ASCL4: variants seen among roughly 807,000 people sequenced by gnomAD.
ASCL4 encodes the protein achaete-scute family bHLH transcription factor 4, also known as achaete-scute homolog 4.
In ASCL4, 1 loss-of-function variant was observed where a neutral mutation model predicts 0.3. The ratio of observed to expected loss-of-function variants is 3.35; its 90% confidence interval spans 1.19 to 15.89. The LOEUF (loss-of-function observed/expected upper bound fraction) is 15.89, where lower values mean the gene tolerates loss of function less well. Ranked by LOEUF, ASCL4 falls within the 30% of genes most tolerant of loss-of-function variation. The probability of loss-of-function intolerance (pLI) is 0.12; values close to 1 mark genes in which losing one functional copy is unlikely to be tolerated. For synonymous variants in ASCL4, 137 were observed against 119.5 expected, an observed-to-expected ratio of 1.15 and a Z score of -0.96; for missense variants, 330 against 256.9, an observed-to-expected ratio of 1.28 and a Z score of -1.94.
Position 107,775,620 on chromosome 12 carries a change from G to T in ASCL4, c.402G>T (p.Gly134=). 1 of 1,564,476 alleles carries T rather than the reference G, an allele frequency of 6.4e-7. No homozygotes were observed. Among genetic ancestry groups the T allele is most frequent in the Non-Finnish European group, 8.6e-7 (1 of 1,164,422 alleles). The change falls in exon 1 of 1, where the codon GGG becomes GGT. Residue 134 remains glycine (G), a synonymous_variant. Coordinates refer to ENST00000342331, the MANE Select transcript of ASCL4 (RefSeq NM_203436.3). Reference sequence around the variant, plus strand: ...AGCTGCTGGAGCGCCAGGCCTGGGGGCTCGAGGGCGCGGCCGGCGCCGTCC... The same window carrying T: ...AGCTGCTGGAGCGCCAGGCCTGGGGTCTCGAGGGCGCGGCCGGCGCCGTCC... ...LQELLERQAW[G]LEGAAGAVPQ...
In ASCL4 at chr12:107,775,442, G is replaced by T. The variant is rs1278614265; in HGVS notation, c.224G>T (p.Arg75Leu). ...AGCGCCTTCGAGCCCGCCTTCCTCC[G>T]CAAGCGCAACGAGCGCGAGCGGCAG... ...LDSAFEPAFLRKRNERERQRV... is the reference protein window; with the variant it reads ...LDSAFEPAFLLKRNERERQRV... The change falls in exon 1 of 1, where the codon CGC (arginine) becomes CTC (leucine). Residue 75 changes from arginine (R) to leucine (L), a missense_variant. By Grantham distance (102) the Arg-to-Leu change is moderately radical (BLOSUM62 -2). Coordinates refer to ENST00000342331, the MANE Select transcript of ASCL4 (RefSeq NM_203436.3). 1.3e-6 allele frequency: 2 copies of T among 1,568,852 alleles called. No homozygotes were observed. The highest frequency in any genetic ancestry group is 1.4e-5 in the African/African-American group (1 of 73,986).
In ASCL4 at chr12:107,775,598, T is replaced by C; in HGVS notation, c.380T>C (p.Leu127Pro). The C allele has an allele frequency of 6.3e-7, 1 of 1,577,746 alleles. No homozygotes were observed. Among genetic ancestry groups the C allele is most frequent in the Non-Finnish European group, 8.5e-7 (1 of 1,170,558 alleles). ...GACTACATCAAGCACCTGCAGGAGCTGCTGGAGCGCCAGGCCTGGGGGCTC... is the reference window on the plus strand; with the variant it reads ...GACTACATCAAGCACCTGCAGGAGCCGCTGGAGCGCCAGGCCTGGGGGCTC... ...AIDYIKHLQE[L>P]LERQAWGLEG... Residue 127 changes from leucine (L) to proline (P), a missense_variant, in exon 1 of 1, where the codon CTG becomes CCG. Coordinates refer to ENST00000342331, the MANE Select transcript of ASCL4 (RefSeq NM_203436.3).
Position 107,776,551 on chromosome 12 carries a change from AC to A in ASCL4, c.*820del, listed in dbSNP as rs1024269780. The stretch of plus-strand genomic sequence containing the variant: ...TTCTTCATTTTCCTTTTCTCTGCAT[AC>A]CCCCCGCCCCCCAACGTGTAGCTCT... On this transcript the variant is annotated 3_prime_UTR_variant, in exon 1 of 1. Coordinates refer to ENST00000342331, the MANE Select transcript of ASCL4 (RefSeq NM_203436.3). The A allele has an allele frequency of 2.4e-5, 4 of 166,674 alleles. No individual in the cohort carries two copies. Among genetic ancestry groups the A allele is most frequent in the Admixed American group, 6.6e-5 (1 of 15,234 alleles). 10.3% of individuals were successfully genotyped at this position (166,674 alleles called of 1,614,324 possible). A position where few individuals can be genotyped will look rare whatever the true frequency, so the allele number is the denominator to read the frequency against.
Position 107,775,495 on chromosome 12 carries a change from G to T in ASCL4, c.277G>T (p.Ala93Ser). The T allele has an allele frequency of 6.4e-7, 1 of 1,571,872 alleles. No individual in the cohort carries two copies. The highest frequency in any genetic ancestry group is 2.3e-5 in the East Asian group (1 of 43,664). The stretch of plus-strand genomic sequence containing the variant: ...GGTGCGCTGCGTGAACGAGGGCTAT[G>T]CGCGCCTCCGAGACCACCTGCCCCG... ...QRVRCVNEGYARLRDHLPREL... is the reference protein window; with the variant it reads ...QRVRCVNEGYSRLRDHLPREL... The change falls in exon 1 of 1, where the codon GCG becomes TCG. Residue 93 changes from alanine (A) to serine (S), a missense_variant. Transcript: ENST00000342331.
Position 107,775,182 on chromosome 12 carries a change from T to C in ASCL4, c.-37T>C. ...GTTTCGTCTTCTTCTATTGAGAGAT[T>C]GACCTCTTGAGTGATTTGTGTGCTT... On this transcript the variant is annotated 5_prime_UTR_variant, in exon 1 of 1. Coordinates refer to ENST00000342331, the MANE Select transcript of ASCL4 (RefSeq NM_203436.3). 1 of 1,596,388 alleles carries C rather than the reference T, an allele frequency of 6.3e-7. No individual in the cohort carries two copies. The highest frequency in any genetic ancestry group is 8.6e-7 in the Non-Finnish European group (1 of 1,169,580).
Position 107,775,827 on chromosome 12 carries a change from A to G in ASCL4, c.*90A>G, listed in dbSNP as rs781211758. On this transcript the variant is annotated 3_prime_UTR_variant, in exon 1 of 1. Transcript: ENST00000342331. ...AAGGTCCTCTTCGAAGGTGGTTTGC[A>G]TTCTTAATCTGGCATCTTCTCCAGG... 151 of 1,315,636 alleles carry G rather than the reference A, an allele frequency of 1.1e-4. No homozygotes were observed. The highest frequency in any genetic ancestry group is 1.4e-4 in the Non-Finnish European group (141 of 1,020,776). The allele number at this position is 1,315,636 out of a possible 1,614,324, so 81.5% of individuals were successfully genotyped here.
chr12:107,774,766 T>C lies in ASCL4; in HGVS notation c.-453T>C, dbSNP rs76397588. 223 of 156,118 alleles carry C rather than the reference T, an allele frequency of 1.4e-3. 1 individual carries two copies. The highest frequency in any genetic ancestry group is 5.2e-3 in the African/African-American group (215 of 41,710). 9.7% of individuals were successfully genotyped at this position (156,118 alleles called of 1,614,324 possible). A position where few individuals can be genotyped will look rare whatever the true frequency, so the allele number is the denominator to read the frequency against. The stretch of plus-strand genomic sequence containing the variant: ...AGGAGCTCTTCTCAAATCCTGAAGA[T>C]TGCTAGGCTCTTGGCGAACGACTCA... On this transcript the variant is annotated 5_prime_UTR_variant, in exon 1 of 1. Coordinates refer to ENST00000342331, the MANE Select transcript of ASCL4 (RefSeq NM_203436.3).
rs922643539 is a variant in ASCL4, at chr12:107,775,368, G to A, written c.150G>A (p.Ala50=). The change falls in exon 1 of 1, where the codon GCG becomes GCA. Residue 50 remains alanine (A), a synonymous_variant. Coordinates refer to ENST00000342331, the MANE Select transcript of ASCL4 (RefSeq NM_203436.3). ...LRLDAACWEW[A]RSGCARGWQY... is the part of the protein sequence containing the mutation. The stretch of plus-strand genomic sequence containing the variant: ...TGGACGCCGCGTGCTGGGAGTGGGC[G>A]CGCAGCGGCTGCGCACGGGGATGGC... 4 of 1,604,608 alleles carry A rather than the reference G, an allele frequency of 2.5e-6. No homozygotes were observed. The African/African-American group carries it at 5.4e-5, about 22-fold the overall frequency.
chr12:107,775,346 A>C lies in ASCL4; in HGVS notation c.128A>C (p.Asp43Ala). The C allele has an allele frequency of 6.2e-7, 1 of 1,608,430 alleles. No homozygotes were observed. Among genetic ancestry groups the C allele is most frequent in the Non-Finnish European group, 8.5e-7 (1 of 1,177,566 alleles). Reference protein sequence around the residue: ...RDPLRVALRLDAACWEWARSG... With the variant: ...RDPLRVALRLAAACWEWARSG... Reference sequence around the variant, plus strand: ...CCCCTCAGGGTCGCCCTGCGTCTGGACGCCGCGTGCTGGGAGTGGGCGCGC... The same window carrying C: ...CCCCTCAGGGTCGCCCTGCGTCTGGCCGCCGCGTGCTGGGAGTGGGCGCGC... The change falls in exon 1 of 1, where the codon GAC becomes GCC. Residue 43 changes from aspartate to alanine, a missense_variant. By Grantham distance (126) the Asp-to-Ala change is moderately radical. Transcript: ENST00000342331.
chr12:107,775,662 A>C lies in ASCL4; in HGVS notation c.444A>C (p.Glu148Asp). The change falls in exon 1 of 1, where the codon GAA (glutamate) becomes GAC (aspartate). Residue 148 changes from glutamate to aspartate, a missense_variant. Physicochemically the swap from Glu to Asp is conservative, Grantham distance 45 (BLOSUM62 2). Transcript: ENST00000342331. The stretch of plus-strand genomic sequence containing the variant: ...GCGCCGTCCCCCAGCGCAGGGCGGA[A>C]TGCAACAGCGACGGGGAGTCCAAGG... ...AAGAVPQRRA[E>D]CNSDGESKAS... The C allele has an allele frequency of 6.5e-7, 1 of 1,534,220 alleles. No individual in the cohort carries two copies. The highest frequency in any genetic ancestry group is 8.7e-7 in the Non-Finnish European group (1 of 1,151,676).
rs1169172074 is a variant in ASCL4 at position 107,775,420 on chromosome 12, G to A, written c.202G>A (p.Ala68Thr). Residue 68 changes from alanine to threonine, a missense_variant, in exon 1 of 1, where the codon GCC becomes ACC. Physicochemically the swap from Ala to Thr is moderately conservative, Grantham distance 58. Coordinates refer to ENST00000342331, the MANE Select transcript of ASCL4 (RefSeq NM_203436.3). ...WQYLPVPLDS[A>T]FEPAFLRKRN... ...GTACTTGCCCGTGCCGCTGGACAGC[G>A]CCTTCGAGCCCGCCTTCCTCCGCAA... 6.3e-7 allele frequency: 1 copy of A among 1,576,204 alleles called. No individual in the cohort carries two copies. The highest frequency in any genetic ancestry group is 1.8e-5 in the Admixed American group (1 of 54,792).
Position 107,775,228 on chromosome 12 carries a change from C to A in ASCL4, c.10C>A (p.Arg4Ser), listed in dbSNP as rs781333551. The A allele has an allele frequency of 3.1e-5, 50 of 1,611,526 alleles. 2 individuals carry two copies. In the Middle Eastern group the frequency reaches 6.4e-3, roughly 208 times the overall value. The change falls in exon 1 of 1, where the codon CGT (arginine) becomes AGT (serine). Residue 4 changes from arginine (R) to serine (S), a missense_variant. Arg to Ser is a moderately radical substitution (Grantham distance 110). Transcript: ENST00000342331. Reference protein sequence around the residue: METRKPAERLALPY... With the variant: METSKPAERLALPY... ...TGCTTTCCGGCAAATGATGGAGACG[C>A]GTAAACCGGCGGAACGGCTGGCCTT...
In ASCL4 at chr12:107,776,357, G is replaced by A. The variant is rs1891461845; in HGVS notation, c.*620G>A. On this transcript the variant is annotated 3_prime_UTR_variant, in exon 1 of 1. Coordinates refer to ENST00000342331, the MANE Select transcript of ASCL4 (RefSeq NM_203436.3). Reference sequence around the variant, plus strand: ...TGCTGTTGTTGACTGTGTGAATGATGGTGCCAGGGAATCCGTGGCTTGGTA... The same window carrying A: ...TGCTGTTGTTGACTGTGTGAATGATAGTGCCAGGGAATCCGTGGCTTGGTA... The A allele has an allele frequency of 6.0e-6, 1 of 167,142 alleles. No homozygotes were observed. The highest frequency in any genetic ancestry group is 2.1e-4 in the South Asian group (1 of 4,836). 10.4% of individuals were successfully genotyped at this position (167,142 alleles called of 1,614,324 possible). A position where few individuals can be genotyped will look rare whatever the true frequency, so the allele number is the denominator to read the frequency against.
Position 107,775,253 on chromosome 12 carries a change from T to G in ASCL4, c.35T>G (p.Leu12Trp), listed in dbSNP as rs763621615. Residue 12 changes from leucine (L) to tryptophan (W), a missense_variant, in exon 1 of 1, where the codon TTG becomes TGG. Transcript: ENST00000342331. ...ETRKPAERLA[L>W]PYSLRTAPLG... ...CGTAAACCGGCGGAACGGCTGGCCT[T>G]GCCATACTCGCTGCGCACCGCGCCC... is the stretch of plus-strand genomic sequence containing the variant. 1 of 1,612,732 alleles carries G rather than the reference T, an allele frequency of 6.2e-7. No individual in the cohort carries two copies. Among genetic ancestry groups the G allele is most frequent in the African/African-American group, 1.3e-5 (1 of 74,772 alleles).
At position 107,776,383 on chromosome 12, in the gene ASCL4, CA is replaced by C. The variant is rs1261571468; in HGVS notation, c.*647del. On this transcript the variant is annotated 3_prime_UTR_variant, in exon 1 of 1. Coordinates refer to ENST00000342331, the MANE Select transcript of ASCL4 (RefSeq NM_203436.3). ...GTGCCAGGGAATCCGTGGCTTGGTA[CA>C]CACTGTTTCATCCAGTGGCCACGTG... 1.2e-5 allele frequency: 2 copies of C among 167,114 alleles called. No individual in the cohort carries two copies. Among genetic ancestry groups the C allele is most frequent in the African/African-American group, 4.8e-5 (2 of 41,452 alleles). The allele number at this position is 167,114 out of a possible 1,614,324, so 10.4% of individuals were successfully genotyped here.
Position 107,775,905 on chromosome 12 carries a change from T to C in ASCL4, c.*168T>C, listed in dbSNP as rs536933063. On this transcript the variant is annotated 3_prime_UTR_variant, in exon 1 of 1. Coordinates refer to ENST00000342331, the MANE Select transcript of ASCL4 (RefSeq NM_203436.3). Reference sequence around the variant, plus strand: ...GCTGGGGTTTGGGGGATGGGGGAGTTGTTTTGACATTTGGGAATTTCTCCC... The same window carrying C: ...GCTGGGGTTTGGGGGATGGGGGAGTCGTTTTGACATTTGGGAATTTCTCCC... 164 of 803,132 alleles carry C rather than the reference T, an allele frequency of 2.0e-4. 2 individuals are homozygous for C. In the South Asian group the frequency reaches 5.1e-3, roughly 25 times the overall value. 49.8% of individuals were successfully genotyped at this position (803,132 alleles called of 1,614,324 possible).
Position 107,775,054 on chromosome 12 carries a change from C to A in ASCL4, c.-165C>A. On this transcript the variant is annotated 5_prime_UTR_variant, in exon 1 of 1. The change creates a new upstream start codon in the 5' untranslated region. Transcript: ENST00000342331. ...ACTTCAGGAATCATGCACCGTTTCC[C>A]TGAAGCCTGTCCAGGAACCTAACTT... is the stretch of plus-strand genomic sequence containing the variant. 2 of 824,934 alleles carry A rather than the reference C, an allele frequency of 2.4e-6. No individual in the cohort carries two copies. The highest frequency in any genetic ancestry group is 3.8e-6 in the Non-Finnish European group (2 of 530,344). 51.1% of individuals were successfully genotyped at this position (824,934 alleles called of 1,614,324 possible).
rs978645761 is a variant in ASCL4 at position 107,775,898 on chromosome 12, G to A, written c.*161G>A. The stretch of plus-strand genomic sequence containing the variant: ...AATGGGTGCTGGGGTTTGGGGGATG[G>A]GGGAGTTGTTTTGACATTTGGGAAT... On this transcript the variant is annotated 3_prime_UTR_variant, in exon 1 of 1. Coordinates refer to ENST00000342331, the MANE Select transcript of ASCL4 (RefSeq NM_203436.3). 1.0e-5 allele frequency: 9 copies of A among 872,606 alleles called. No individual in the cohort carries two copies. The highest frequency in any genetic ancestry group is 7.1e-5 in the African/African-American group (4 of 56,200). 54.1% of individuals were successfully genotyped at this position (872,606 alleles called of 1,614,324 possible). A position where few individuals can be genotyped will look rare whatever the true frequency, so the allele number is the denominator to read the frequency against.
chr12:107,775,470 G>A lies in ASCL4; in HGVS notation c.252G>A (p.Arg84=), dbSNP rs1193687367. ...AGCGCAACGAGCGCGAGCGGCAGCGGGTGCGCTGCGTGAACGAGGGCTATG... is the reference window on the plus strand; with the variant it reads ...AGCGCAACGAGCGCGAGCGGCAGCGAGTGCGCTGCGTGAACGAGGGCTATG... ...LRKRNERERQ[R]VRCVNEGYAR... Residue 84 remains arginine, a synonymous_variant, in exon 1 of 1, where the codon CGG becomes CGA. Transcript: ENST00000342331. 7 of 1,569,942 alleles carry A rather than the reference G, an allele frequency of 4.5e-6. No individual in the cohort carries two copies. Among genetic ancestry groups the A allele is most frequent in the Admixed American group, 1.8e-5 (1 of 54,638 alleles).
Sources: allele counts gnomAD v4.1 joint callset, GRCh38; gene constraint gnomAD v4.1.1; transcripts MANE v1.5; gene names NCBI Gene and HGNC (gene_info 2026-07-23, HGNC 2026-07-21).